The following RABGAP1L variants were observed in gnomAD, a reference collection of about 807,000 sequenced individuals.
The protein encoded by RABGAP1L is rab GTPase-activating protein 1-like.
In RABGAP1L, 63 loss-of-function variants were observed where a neutral mutation model predicts 137.7. That is an observed-to-expected ratio of 0.46 (90% CI 0.37 to 0.56). The LOEUF (loss-of-function observed/expected upper bound fraction) is 0.56, where lower values mean the gene tolerates loss of function less well. RABGAP1L is among the 20% of genes least tolerant of loss of function. The pLI is 0.00. For synonymous variants in RABGAP1L, 431 were observed against 433.7 expected (o/e 0.99, Z 0.08); for missense variants, 1,095 against 1,244.0 (o/e 0.88, Z 1.80).
chr1:174,283,267 G>A (rs534969936), intron 10 of RABGAP1L, among the ~76,000 whole-genome samples: 40 of 152,022 alleles, frequency 2.6e-4, no homozygotes, highest in African/African-American at 8.9e-4. Flanking sequence ...TTACCCAAGC[G>A]TGGTGGTGTG....
intron 19 of RABGAP1L, among the ~76,000 whole-genome samples, chr1:174,873,608 G>A (rs1652567666): frequency 6.6e-6 from 1 of 151,558 alleles, no homozygotes; most frequent in Admixed American, 6.6e-5. Context: ...CTGCCTCCCG[G>A]GTTCAAGTGA....
intron 1 of RABGAP1L, among the ~76,000 whole-genome samples, chr1:174,163,569 A>G (rs1664675954): frequency 6.6e-6 from 1 of 151,794 alleles, no homozygotes; most frequent in South Asian, 2.1e-4. Context: ...TATTTTCTAA[A>G]TAGCTTTTAA....
intron 13 of RABGAP1L, among the ~76,000 whole-genome samples, chr1:174,536,463 C>G (rs889536659): frequency 6.6e-6 from 1 of 151,878 alleles, no homozygotes; most frequent in Non-Finnish European, 1.5e-5. Context: ...TCCAGGATAA[C>G]TGAGAATGAT....
At chr1:174,377,663 C>T (rs1170576429) in intron 12 of RABGAP1L, among the ~76,000 whole-genome samples, 1 of 152,058 alleles carries the variant, frequency 6.6e-6, no homozygotes, top group East Asian at 1.9e-4. Flanking sequence ...GATACCACTT[C>T]ATACCCACTA....
chr1:174,616,244 G>A (rs566662987), intron 13 of RABGAP1L, among the ~76,000 whole-genome samples: 71 of 152,260 alleles, frequency 4.7e-4, no homozygotes, highest in African/African-American at 1.7e-3. Context: ...TATGCGGTTT[G>A]CTGTGAAATT....
chr1:174,430,314 C>T (rs1322760009), intron 13 of RABGAP1L, among the ~76,000 whole-genome samples: 1 of 150,490 alleles, frequency 6.6e-6, no homozygotes, highest in Non-Finnish European at 1.5e-5. Context: ...GGCAAGATCG[C>T]ACCACTGCAC....
intron 13 of RABGAP1L, among the ~76,000 whole-genome samples, chr1:174,573,025 C>G (rs1424472502): frequency 6.7e-6 from 1 of 149,994 alleles, no homozygotes; most frequent in Non-Finnish European, 1.5e-5. Context: ...AGTCATTTAT[C>G]TAGTTAACTG....
intron 17 of RABGAP1L, among the ~76,000 whole-genome samples, chr1:174,706,681 A>T (rs1310361069): frequency 6.6e-6 from 1 of 152,190 alleles, no homozygotes; most frequent in Admixed American, 6.5e-5. Flanking sequence ...TTTAAAAAAG[A>T]ACAAAAAGGA....
intron 11 of RABGAP1L, among the ~76,000 whole-genome samples, chr1:174,319,023 A>ATTGCATATTTTGTATATT: frequency 6.6e-6 from 1 of 152,182 alleles, no homozygotes; most frequent in Non-Finnish European, 1.5e-5. Flanking sequence ...CCATTACAGT[A>ATTGCATATTTTGTATATT]TTGCATATTT....
chr1:174,456,866 G>A (rs940258959), intron 13 of RABGAP1L, among the ~76,000 whole-genome samples: 4 of 152,052 alleles, frequency 2.6e-5, no homozygotes, highest in African/African-American at 9.7e-5. Flanking sequence ...CAGTTTGTAG[G>A]ATGAATCATT....
rs184106877 is a variant in RABGAP1L, at chr1:174,402,991, A to G, written c.1710+8846A>G. Among the ~76,000 whole-genome samples, 297 of 152,228 alleles carry G rather than the reference A, an allele frequency of 2.0e-3. 1 individual carries two copies. Among genetic ancestry groups the G allele is most frequent in the African/African-American group, 6.8e-3 (281 of 41,560 alleles). ...GCCTATCATATCTGCTGGTTTATAT[A>G]ACATAGGAAATATTAGATTGTAGTT... is the stretch of plus-strand genomic sequence containing the variant. On this transcript the variant is annotated intron_variant, in intron 13 of 25. Coordinates refer to ENST00000681986, the MANE Select transcript of RABGAP1L (RefSeq NM_001366446.1).
chr1:174,826,718 A>G (rs1234329376), intron 19 of RABGAP1L, among the ~76,000 whole-genome samples: 1 of 152,186 alleles, frequency 6.6e-6, no homozygotes, highest in Non-Finnish European at 1.5e-5. Context: ...ATAAATCTCT[A>G]ATCTGTTCAC....
chr1:174,620,726 T>C (rs1332123505), intron 13 of RABGAP1L, among the ~76,000 whole-genome samples: 2 of 151,840 alleles, frequency 1.3e-5, no homozygotes, highest in Non-Finnish European at 2.9e-5. Context: ...TTAAAAGAAC[T>C]AGAGAAGCAA....
chr1:174,735,233 C>T (rs962942770), intron 17 of RABGAP1L, among the ~76,000 whole-genome samples: 2 of 151,852 alleles, frequency 1.3e-5, no homozygotes, highest in African/African-American at 2.4e-5. Context: ...GCCTCAGCCT[C>T]CCAAAGTGCT....
In RABGAP1L at chr1:174,448,989, T is replaced by G; in HGVS notation, c.1710+54844T>G. 1 of 1,613,664 alleles carries G rather than the reference T, an allele frequency of 6.2e-7. No individual in the cohort carries two copies. The highest frequency in any genetic ancestry group is 8.5e-7 in the Non-Finnish European group (1 of 1,179,564). ...TTTCTTCTAGAAAGCTCCCGGGTCT[T>G]GGACAATCCAACTCTGTCCTTCTTA... is the stretch of plus-strand genomic sequence containing the variant. On this transcript the variant is annotated intron_variant, in intron 13 of 25. Coordinates refer to ENST00000681986, the MANE Select transcript of RABGAP1L (RefSeq NM_001366446.1). The surrounding 1 kb of genome is among the most constrained non-coding windows in gnomAD (Gnocchi z 4.2).
At chr1:174,605,237 G>A (rs866392600) in intron 13 of RABGAP1L, among the ~76,000 whole-genome samples, 5 of 152,284 alleles carry the variant, frequency 3.3e-5, no homozygotes, top group Middle Eastern at 3.4e-3. Context: ...AGGAACACTT[G>A]TCATGGTGAG....
At chr1:174,507,188 G>T (rs1174865034) in intron 13 of RABGAP1L, among the ~76,000 whole-genome samples, 1 of 152,178 alleles carries the variant, frequency 6.6e-6, no homozygotes, top group Non-Finnish European at 1.5e-5. Context: ...AAGTGCAGAG[G>T]AATGGGACAG....
At chr1:174,971,926 G>T (rs1437486517) in intron 21 of RABGAP1L, among the ~76,000 whole-genome samples, 3 of 152,202 alleles carry the variant, frequency 2.0e-5, no homozygotes, top group Non-Finnish European at 4.4e-5. Context: ...AGGAAATTAG[G>T]TTCTTTGCAA....
intron 19 of RABGAP1L, among the ~76,000 whole-genome samples, chr1:174,861,679 G>GA (rs1268218197): frequency 3.3e-5 from 5 of 151,736 alleles, no homozygotes; most frequent in African/African-American, 1.2e-4. Context: ...TCATGGTTTT[G>GA]ATTTGTATTT....
Sources: allele counts gnomAD v4.1 joint callset (sites outside exome capture counted in the v4.1 genomes callset), GRCh38; gene constraint gnomAD v4.1.1; non-coding constraint Gnocchi (gnomAD v3.1); transcripts MANE v1.5; gene names NCBI Gene and HGNC (gene_info 2026-07-23, HGNC 2026-07-21).